Variants in GALNT2 observed in about 807,000 individuals in gnomAD.
GALNT2 encodes polypeptide N-acetylgalactosaminyltransferase 2.
GALNT2 carries 31 observed loss-of-function variants against 81.4 expected under a neutral mutation model. The ratio of observed to expected loss-of-function variants is 0.38; its 90% CI spans 0.29 to 0.51. GALNT2 has a LOEUF of 0.51. GALNT2 is among the 20% of genes least tolerant of loss of function. The pLI, the probability that GALNT2 is intolerant of heterozygous loss-of-function variation, is 0.87. For synonymous variants in GALNT2, 303 were observed against 287.4 expected, an observed-to-expected ratio of 1.05 and a Z score of -0.55; for missense variants, 629 against 765.7, an observed-to-expected ratio of 0.82 and a Z score of 2.11.
At chr1:230,197,554 T>C (rs114842557) in intron 2 of GALNT2, among the ~76,000 whole-genome samples, 2,472 of 152,300 alleles carry the variant, frequency 0.016, 55 homozygotes, top group African/African-American at 0.057. Context: ...GGCAGGGACA[T>C]TCTGTTTGTG....
At chr1:230,247,217 A>G (rs115025336) in intron 8 of GALNT2, among the ~76,000 whole-genome samples, 88 of 152,284 alleles carry the variant, frequency 5.8e-4, no homozygotes, top group African/African-American at 1.7e-3. Flanking sequence ...GACCCTGCTT[A>G]TTCATACACA....
intron 2 of GALNT2, 151 bp downstream of exon 2, chr1:230,178,462 C>T: frequency 1.8e-6 from 1 of 570,700 alleles, no homozygotes. Context: ...TGCCAACTTC[C>T]ATCGGACCCA....
At chr1:230,203,035 A>C (rs1436205350) in intron 2 of GALNT2, 102 bp from the exon 3 acceptor site, 6 of 1,266,152 alleles carry the variant, frequency 4.7e-6, no homozygotes, top group Admixed American at 2.2e-5. Flanking sequence ...TATATAAAGA[A>C]GCCATGGATG....
At chr1:230,204,770 T>G (rs1664009643) in intron 3 of GALNT2, among the ~76,000 whole-genome samples, 1 of 152,138 alleles carries the variant, frequency 6.6e-6, no homozygotes, top group Non-Finnish European at 1.5e-5. Context: ...TAAGTTAGAG[T>G]CATTCATTCA....
intron 1 of GALNT2, among the ~76,000 whole-genome samples, chr1:230,157,384 C>T (rs1662291554): frequency 6.6e-6 from 1 of 152,162 alleles, no homozygotes; most frequent in Non-Finnish European, 1.5e-5. Context: ...TATCCCTTGC[C>T]AGTGGGAATG....
Position 230,236,695 on chromosome 1 carries a change from G to A in GALNT2, c.577G>A (p.Val193Met), listed in dbSNP as rs1411558793. The A allele has an allele frequency of 1.9e-6, 3 of 1,613,782 alleles. No individual in the cohort carries two copies. The highest frequency in any genetic ancestry group is 2.5e-6 in the Non-Finnish European group (3 of 1,179,950). Residue 193 changes from valine (V) to methionine (M), a missense_variant, in exon 6 of 16, where the codon GTG (valine) becomes ATG (methionine). Around this residue, in one of 3 missense-constraint regions of GALNT2, gnomAD observed 360 missense variants for 492.8 expected, o/e 0.73. Coordinates refer to ENST00000366672, the MANE Select transcript of GALNT2 (RefSeq NM_004481.5). ...GGCTCTCTTGGGGAAAATTGAGAAA[G>A]TGCGAGTTCTTAGAAATGATCGACG... is the stretch of plus-strand genomic sequence containing the variant. ...DGALLGKIEKVRVLRNDRREG... is the reference protein window; with the variant it reads ...DGALLGKIEKMRVLRNDRREG...
chr1:230,233,426 A>G (rs1664928093), intron 3 of GALNT2, among the ~76,000 whole-genome samples: 2 of 152,218 alleles, frequency 1.3e-5, no homozygotes. Context: ...CAGCCTGGCC[A>G]ACATGGTGAA....
intron 1 of GALNT2, among the ~76,000 whole-genome samples, chr1:230,114,263 C>T (rs1186613307): frequency 1.3e-5 from 2 of 152,110 alleles, no homozygotes; most frequent in African/African-American, 4.8e-5. Flanking sequence ...GAGGTTTAGT[C>T]GTTCCTTTCT....
intron 1 of GALNT2, among the ~76,000 whole-genome samples, chr1:230,150,709 T>C (rs1662066572): frequency 1.3e-5 from 2 of 152,262 alleles, no homozygotes; most frequent in South Asian, 4.1e-4. Flanking sequence ...CATTAGAGAA[T>C]GCGCTGCGAC....
intron 1 of GALNT2, among the ~76,000 whole-genome samples, chr1:230,142,637 G>A (rs1661781543): frequency 6.6e-6 from 1 of 152,122 alleles, no homozygotes; most frequent in Admixed American, 6.5e-5. Flanking sequence ...GAACATTATG[G>A]GTAAAAATAC....
upstream of GALNT2, among the ~76,000 whole-genome samples, chr1:230,065,802 T>C (rs193148792): frequency 2.0e-4 from 31 of 152,332 alleles, 1 homozygote; most frequent in South Asian, 8.3e-4. Context: ...TTTCCCTTCA[T>C]TGTCAGGCCT....
At chr1:230,170,650 A>G (rs1662762009) in intron 1 of GALNT2, among the ~76,000 whole-genome samples, 1 of 152,210 alleles carries the variant, frequency 6.6e-6, no homozygotes, top group African/African-American at 2.4e-5. Context: ...ACGGTTCTGT[A>G]GGCTGTACAA....
At chr1:230,212,974 G>A (rs1664279697) in intron 3 of GALNT2, among the ~76,000 whole-genome samples, 1 of 152,068 alleles carries the variant, frequency 6.6e-6, no homozygotes, top group Non-Finnish European at 1.5e-5. Context: ...ATCTCTGAAG[G>A]GCCCGTTTCA....
intron 2 of GALNT2, among the ~76,000 whole-genome samples, chr1:230,183,910 G>A (rs1211747656): frequency 3.3e-5 from 5 of 151,450 alleles, no homozygotes; most frequent in South Asian, 4.2e-4. Context: ...CCTGGGAGGC[G>A]GAGGCTGCAG....
intron 1 of GALNT2, among the ~76,000 whole-genome samples, chr1:230,071,028 A>G (rs1385958316): frequency 6.6e-6 from 1 of 152,074 alleles, no homozygotes; most frequent in East Asian, 1.9e-4. Context: ...TTCTTACCTC[A>G]TGGCCTTGTT....
Position 230,267,780 on chromosome 1 carries a change from G to A in GALNT2, c.1440+2413G>A, listed in dbSNP as rs1666074069. 4.6e-5 allele frequency among the ~76,000 whole-genome samples: 7 copies of A among 152,300 alleles called. No individual in the cohort carries two copies. In the South Asian group the frequency reaches 1.2e-3, roughly 27 times the overall value. On this transcript the variant is annotated intron_variant, in intron 14 of 15. Transcript: ENST00000366672. ...TATTGGTGGGGTGGGCAGAGGCGGA[G>A]GGGAAGGTGCCATCCCCACCGTGTC...
chr1:230,201,379 C>T (rs1029207994), intron 2 of GALNT2, among the ~76,000 whole-genome samples: 11 of 152,268 alleles, frequency 7.2e-5, no homozygotes, highest in Non-Finnish European at 1.2e-4. Flanking sequence ...GGGTTCTGAC[C>T]TCGCAGGACC....
At chr1:230,154,526 C>G (rs546878960) in intron 1 of GALNT2, among the ~76,000 whole-genome samples, 10 of 152,276 alleles carry the variant, frequency 6.6e-5, no homozygotes, top group African/African-American at 2.4e-4. Flanking sequence ...ACCCCCAGGA[C>G]CTCAGAATGT....
At chr1:230,157,124 A>G (rs1387068852) in intron 1 of GALNT2, among the ~76,000 whole-genome samples, 1 of 152,244 alleles carries the variant, frequency 6.6e-6, no homozygotes, top group East Asian at 1.9e-4. Context: ...ACCTTGGTTC[A>G]GATGCCACTT....
Sources: allele counts gnomAD v4.1 joint callset (sites outside exome capture counted in the v4.1 genomes callset), GRCh38; gene constraint gnomAD v4.1.1; regional missense constraint gnomAD v4.1.1; transcripts MANE v1.5; gene names NCBI Gene and HGNC (gene_info 2026-07-23, HGNC 2026-07-21).